NTRK3: variants seen among roughly 807,000 people sequenced by gnomAD.
NTRK3 encodes the protein neurotrophic receptor tyrosine kinase 3.
NTRK3 carries 24 observed loss-of-function variants against 91.7 expected under a neutral mutation model. The observed-to-expected ratio is 0.26, with a 90% confidence interval of 0.19 to 0.37. The LOEUF (loss-of-function observed/expected upper bound fraction) is 0.37, where lower values mean the gene tolerates loss of function less well. Ranked by LOEUF, NTRK3 falls within the 10% of genes least tolerant of loss-of-function variation. The pLI is 1.00. For missense variants in NTRK3, 880 were observed against 1,068.9 expected, an observed-to-expected ratio of 0.82 and a Z score of 2.46; for synonymous variants, 483 against 404.0, an observed-to-expected ratio of 1.20 and a Z score of -2.34.
chr15:88,193,595 G>C (rs1012397775), intron 3 of NTRK3, among the ~76,000 whole-genome samples: 1 of 152,174 alleles, frequency 6.6e-6, no homozygotes, highest in African/African-American at 2.4e-5. Flanking sequence ...TGGTTCCAGT[G>C]TTATGCAAAT....
intron 13 of NTRK3, among the ~76,000 whole-genome samples, chr15:88,125,283 C>T (rs1024552350): frequency 1.3e-5 from 2 of 152,186 alleles, no homozygotes; most frequent in African/African-American, 2.4e-5. Context: ...AGAGGATCAC[C>T]GTCCCTGTGA....
intron 3 of NTRK3, chr15:88,252,951 A>C (rs1417899101): frequency 6.6e-6 from 1 of 152,274 alleles, no homozygotes; most frequent in African/African-American, 2.4e-5. Context: ...TTGGATGGCC[A>C]CACAGGAATC....
intron 14 of NTRK3, among the ~76,000 whole-genome samples, chr15:88,018,186 G>T (rs952182560): frequency 4.6e-5 from 7 of 152,182 alleles, no homozygotes; most frequent in Non-Finnish European, 1.0e-4. Context: ...CTTCTGGGAG[G>T]CCTGCCTCAT....
At chr15:88,223,444 G>C (rs935668155) in intron 3 of NTRK3, among the ~76,000 whole-genome samples, 1 of 152,262 alleles carries the variant, frequency 6.6e-6, no homozygotes, top group African/African-American at 2.4e-5. Flanking sequence ...CCAGGGACAA[G>C]AAGGCAAAGG....
intron 14 of NTRK3, among the ~76,000 whole-genome samples, chr15:87,950,554 G>A (rs920164366): frequency 6.6e-6 from 1 of 152,228 alleles, no homozygotes; most frequent in Non-Finnish European, 1.5e-5. Context: ...GCTTTGGAAT[G>A]AGACAGAACT....
chr15:87,901,791 G>C (rs1027526752), intron 17 of NTRK3, among the ~76,000 whole-genome samples: 1 of 151,820 alleles, frequency 6.6e-6, no homozygotes, highest in African/African-American at 2.4e-5. Context: ...GAAAGGGAGA[G>C]AGGAAGGGAA....
intron 13 of NTRK3, among the ~76,000 whole-genome samples, chr15:88,043,075 A>G (rs754116773): frequency 3.9e-5 from 6 of 152,232 alleles, no homozygotes; most frequent in Non-Finnish European, 7.3e-5. Context: ...CTCCAAACCC[A>G]CAACTGTGGC....
At chr15:87,945,105 C>A (rs1446956287) in intron 14 of NTRK3, among the ~76,000 whole-genome samples, 1 of 152,134 alleles carries the variant, frequency 6.6e-6, no homozygotes, top group African/African-American at 2.4e-5. Context: ...GGGATGAATA[C>A]CCCAGGCCGT....
intron 14 of NTRK3, among the ~76,000 whole-genome samples, chr15:88,019,696 T>A (rs1429214140): frequency 6.6e-6 from 1 of 152,190 alleles, no homozygotes; most frequent in East Asian, 1.9e-4. Flanking sequence ...TGCAACCATT[T>A]TGTAGCCATG....
rs981996967 is a variant in NTRK3 at position 88,021,012 on chromosome 15, C to T, written c.1585+11845G>A. ...CTAAGATTCCATTCCTAAGAGGCAG[C>T]AGATCTGCCTGGAAACGAGGAATGC... On this transcript the variant is annotated intron_variant, in intron 14 of 18. Coordinates refer to ENST00000394480, the Ensembl canonical transcript of NTRK3. Among the ~76,000 whole-genome samples the T allele has an allele frequency of 3.3e-5, 5 of 152,312 alleles. 1 individual carries two copies. Among genetic ancestry groups the T allele is most frequent in the African/African-American group, 4.8e-5 (2 of 41,568 alleles).
intron 14 of NTRK3, among the ~76,000 whole-genome samples, chr15:87,959,417 G>A (rs528031758): frequency 9.9e-5 from 15 of 152,212 alleles, no homozygotes; most frequent in Admixed American, 7.2e-4. Context: ...AACATCAAGC[G>A]AGAGCTGGAG....
intron 14 of NTRK3, among the ~76,000 whole-genome samples, chr15:87,945,425 T>C (rs2070362514): frequency 6.6e-6 from 1 of 152,220 alleles, no homozygotes; most frequent in Non-Finnish European, 1.5e-5. Context: ...TCCATATGTG[T>C]GGGATTCACT....
At chr15:88,128,828 A>G (rs2053547968) in intron 10 of NTRK3, 94 bp from the exon 11 acceptor site, 2 of 1,113,030 alleles carry the variant, frequency 1.8e-6, no homozygotes, top group Admixed American at 3.4e-5. Flanking sequence ...TCTCCCATTC[A>G]CCATGATTCC....
At chr15:88,176,545 G>A (rs2046016368) in intron 5 of NTRK3, among the ~76,000 whole-genome samples, 1 of 152,186 alleles carries the variant, frequency 6.6e-6, no homozygotes, top group African/African-American at 2.4e-5. Flanking sequence ...AATATGATGG[G>A]AGGAATGTCA....
chr15:87,920,493 C>T (rs1340829925), intron 17 of NTRK3, among the ~76,000 whole-genome samples: 2 of 152,156 alleles, frequency 1.3e-5, no homozygotes, highest in South Asian at 2.1e-4. Context: ...AGAGAACAAA[C>T]GCATGGTTTA....
intron 3 of NTRK3, among the ~76,000 whole-genome samples, chr15:88,205,514 AC>A (rs2048670897): frequency 6.6e-6 from 1 of 152,082 alleles, no homozygotes; most frequent in South Asian, 2.1e-4. Context: ...GAGGCTACAA[AC>A]TTCTACAGAC....
At chr15:87,888,746 A>G (rs991538512) in intron 17 of NTRK3, among the ~76,000 whole-genome samples, 9 of 152,196 alleles carry the variant, frequency 5.9e-5, no homozygotes, top group African/African-American at 1.9e-4. Flanking sequence ...ATTGCATAGA[A>G]CATACTCATA....
chr15:87,918,390 T>C (rs199888907), intron 17 of NTRK3, among the ~76,000 whole-genome samples: 1 of 152,230 alleles, frequency 6.6e-6, no homozygotes, highest in East Asian at 1.9e-4. Context: ...TTTCTTTCCA[T>C]GCATCTTCCA....
chr15:87,860,849 G>T, exon 19 of NTRK3: 1 of 217,690 alleles, frequency 4.6e-6, no homozygotes, highest in Non-Finnish European at 9.2e-6. Flanking sequence ...AAATACAAAT[G>T]AGGAACTATC....
Sources: allele counts gnomAD v4.1 joint callset (sites outside exome capture counted in the v4.1 genomes callset), GRCh38; gene constraint gnomAD v4.1.1; transcripts MANE v1.5; gene names NCBI Gene and HGNC (gene_info 2026-07-23, HGNC 2026-07-21).